The following UBA6 variants were observed in gnomAD, a reference collection of about 807,000 sequenced individuals.
UBA6 encodes ubiquitin-like modifier-activating enzyme 6.
Under a neutral mutation model 148.3 loss-of-function variants are expected in UBA6, and 87 were observed. That is an observed-to-expected ratio of 0.59 (90% CI 0.49 to 0.70). The LOEUF is 0.70. Among genes scored for constraint, UBA6 ranks in the 30% least tolerant of loss-of-function variants. The pLI is 0.00. For synonymous variants in UBA6, 376 were observed against 401.0 expected, an observed-to-expected ratio of 0.94 and a Z score of 0.75; for missense variants, 1,186 against 1,241.2, an observed-to-expected ratio of 0.96 and a Z score of 0.67.
rs1012650373 is a variant in UBA6, at chr4:67,648,424, C to T, written c.1248+644G>A. 9.5e-5 allele frequency among the ~76,000 whole-genome samples: 14 copies of T among 147,632 alleles called. No individual in the cohort carries two copies. The South Asian group carries it at 1.3e-3, about 13-fold the overall frequency. Reference sequence around the variant, plus strand: ...CAGAGGTTGCAGTGAGCTAACATCGCGCCATTGCACTCCAGCCTGGGTAAC... The same window carrying T: ...CAGAGGTTGCAGTGAGCTAACATCGTGCCATTGCACTCCAGCCTGGGTAAC... On this transcript the variant is annotated intron_variant, in intron 14 of 32. Transcript: ENST00000322244.
At position 67,668,690 on chromosome 4, in the gene UBA6, A is replaced by G. The variant is rs1172091320; in HGVS notation, c.670-16T>C. The G allele has an allele frequency of 5.0e-6, 8 of 1,602,024 alleles. No homozygotes were observed. The highest frequency in any genetic ancestry group is 1.1e-5 in the South Asian group (1 of 89,198). Reference sequence around the variant, plus strand: ...CAGGATTTGCCTAAAAATAAGAGTAATCTATTAAAAAAGAACTTCTTTTTT... The same window carrying G: ...CAGGATTTGCCTAAAAATAAGAGTAGTCTATTAAAAAAGAACTTCTTTTTT... On this transcript the variant is annotated splice_polypyrimidine_tract_variant and intron_variant, in intron 8 of 32. Transcript: ENST00000322244.
At chr4:67,686,029 G>C (rs1438538366) in intron 2 of UBA6, among the ~76,000 whole-genome samples, 1 of 152,218 alleles carries the variant, frequency 6.6e-6, no homozygotes, top group African/African-American at 2.4e-5. Flanking sequence ...AGGTAGTAAA[G>C]ATGGGATTAA....
intron 13 of UBA6, among the ~76,000 whole-genome samples, chr4:67,650,234 C>T (rs1729520538): frequency 6.6e-6 from 1 of 152,116 alleles, no homozygotes; most frequent in African/African-American, 2.4e-5. Context: ...TAAGTCCTTA[C>T]ACAACCTTCA....
intron 1 of UBA6, 27 bp downstream of exon 1, chr4:67,701,022 T>C: frequency 6.2e-7 from 1 of 1,613,012 alleles, no homozygotes; most frequent in Non-Finnish European, 8.5e-7. Flanking sequence ...CCGCGACCCC[T>C]CACCTTCGCC....
chr4:67,648,079 T>TG (rs1321490056), intron 14 of UBA6, among the ~76,000 whole-genome samples: 1 of 151,786 alleles, frequency 6.6e-6, no homozygotes, highest in Non-Finnish European at 1.5e-5. Flanking sequence ...GCCTTAACGG[T>TG]CATCTTTAAA....
Position 67,631,747 on chromosome 4 carries a change from C to T in UBA6, c.2219G>A (p.Arg740Lys), listed in dbSNP as rs772574323. The T allele has an allele frequency of 8.7e-6, 14 of 1,611,304 alleles. No homozygotes were observed. Among genetic ancestry groups the T allele is most frequent in the Non-Finnish European group, 1.1e-5 (13 of 1,178,900 alleles). Residue 740 changes from arginine (R) to lysine (K), a missense_variant, in exon 25 of 33, where the codon AGG becomes AAG. Transcript: ENST00000322244. ...DGSLFWQSPK[R>K]PPSPIKFDLN... is the part of the protein sequence containing the mutation. ...ATCAAATTTTATTGGAGAGGGTGGC[C>T]TCTTTGGTGACTGCCAAAATAAACC... is the stretch of plus-strand genomic sequence containing the variant.
intron 6 of UBA6, among the ~76,000 whole-genome samples, chr4:67,675,999 T>C (rs574857848): frequency 9.9e-5 from 15 of 151,798 alleles, no homozygotes; most frequent in Non-Finnish European, 1.5e-4. Context: ...GTATGGCCAT[T>C]ATGGCCATTA....
At chr4:67,627,804 T>C (rs1490976601) in intron 27 of UBA6, among the ~76,000 whole-genome samples, 1 of 151,748 alleles carries the variant, frequency 6.6e-6, no homozygotes, top group Non-Finnish European at 1.5e-5. Flanking sequence ...TATAGCTAAA[T>C]TTTGTGGATG....
Position 67,618,998 on chromosome 4 carries a change from T to C in UBA6, c.3158A>G (p.Ter1053=). Residue 1053 remains the stop codon, a stop_retained_variant, in exon 33 of 33, where the codon TAA becomes TGA. Transcript: ENST00000322244. The part of the protein sequence containing the change: ...VRYYFSHDTD[*] ...GGAGTAACGTTAAGACAACTTGTAT[T>C]AATCAGTGTCATGACTGAAGTAGTA... The C allele has an allele frequency of 6.2e-7, 1 of 1,613,084 alleles. No individual in the cohort carries two copies. Among genetic ancestry groups the C allele is most frequent in the Non-Finnish European group, 8.5e-7 (1 of 1,179,714 alleles).
At chr4:67,653,667 A>C (rs938167054) in intron 13 of UBA6, among the ~76,000 whole-genome samples, 1 of 152,052 alleles carries the variant, frequency 6.6e-6, no homozygotes, top group Non-Finnish European at 1.5e-5. Context: ...AACGGAACAA[A>C]ACTGGATGGA....
At chr4:67,661,844 A>C (rs1179786025) in intron 13 of UBA6, 2 of 312,206 alleles carry the variant, frequency 6.4e-6, no homozygotes, top group Admixed American at 5.1e-5. Context: ...TTATATAAGA[A>C]AGCTAACATA....
At chr4:67,642,277 T>C (rs1335051816) in intron 17 of UBA6, among the ~76,000 whole-genome samples, 2 of 152,098 alleles carry the variant, frequency 1.3e-5, no homozygotes, top group South Asian at 2.1e-4. Flanking sequence ...CCTAATGTTA[T>C]GTGGTTATGC....
rs17088564 is a variant in UBA6, at chr4:67,694,804, C to G, written c.134+1841G>C. ...CCACATAAATTTCTGGCTTCCTGCCCTCACTATGACAAATTCTTAAGGAAG... is the reference window on the plus strand; with the variant it reads ...CCACATAAATTTCTGGCTTCCTGCCGTCACTATGACAAATTCTTAAGGAAG... On this transcript the variant is annotated intron_variant, in intron 2 of 32. Coordinates refer to ENST00000322244, the MANE Select transcript of UBA6 (RefSeq NM_018227.6). Among the ~76,000 whole-genome samples, 1,384 of 152,260 alleles carry G rather than the reference C, an allele frequency of 9.1e-3. 22 individuals carry two copies. Among genetic ancestry groups the G allele is most frequent in the African/African-American group, 0.031 (1,287 of 41,552 alleles).
intron 1 of UBA6, 23 bp from the exon 2 acceptor site, chr4:67,696,730 T>A: frequency 6.4e-7 from 1 of 1,565,646 alleles, no homozygotes; most frequent in Non-Finnish European, 8.8e-7. Context: ...ACATGGTTAT[T>A]AAATATTCAC....
chr4:67,642,825 T>G (rs534876797), intron 17 of UBA6, among the ~76,000 whole-genome samples: 1 of 152,196 alleles, frequency 6.6e-6, no homozygotes, highest in East Asian at 1.9e-4. Context: ...AATATATTGC[T>G]TCTTCTCCCT....
chr4:67,640,156 GAC>G (rs1729268662), intron 18 of UBA6, among the ~76,000 whole-genome samples: 1 of 152,136 alleles, frequency 6.6e-6, no homozygotes, highest in Non-Finnish European at 1.5e-5. Context: ...TTCTTAGGCT[GAC>G]ACATTTCACT....
intron 2 of UBA6, among the ~76,000 whole-genome samples, chr4:67,694,441 G>C (rs1041318772): frequency 1.3e-5 from 2 of 150,836 alleles, no homozygotes; most frequent in Admixed American, 6.6e-5. Flanking sequence ...GCCCAGGCTG[G>C]AACACAGTGG....
intron 25 of UBA6, among the ~76,000 whole-genome samples, chr4:67,630,931 A>G (rs750065492): frequency 4.7e-4 from 71 of 152,214 alleles, no homozygotes; most frequent in Non-Finnish European, 6.9e-4. Context: ...TTAAAAACAA[A>G]AAAAGAAAGT....
At chr4:67,700,327 T>G (rs1460529552) in intron 1 of UBA6, among the ~76,000 whole-genome samples, 1 of 152,180 alleles carries the variant, frequency 6.6e-6, no homozygotes, top group Non-Finnish European at 1.5e-5. Flanking sequence ...TTTGGCATGG[T>G]GTATTCTGAC....
Sources: allele counts gnomAD v4.1 joint callset (sites outside exome capture counted in the v4.1 genomes callset), GRCh38; gene constraint gnomAD v4.1.1; transcripts MANE v1.5; gene names NCBI Gene and HGNC (gene_info 2026-07-23, HGNC 2026-07-21).